The following TTC16 variants were observed in gnomAD, a reference collection of about 807,000 sequenced individuals.
TTC16 encodes the protein tetratricopeptide repeat protein 16.
TTC16 carries 66 observed loss-of-function variants against 80.4 expected under a neutral mutation model. The ratio of observed to expected loss-of-function variants is 0.82; its 90% CI spans 0.67 to 1.01. TTC16 has a LOEUF of 1.01. Ranked by LOEUF, TTC16 falls within the 50% of genes least tolerant of loss-of-function variation. TTC16 has a pLI of 0.00. For synonymous variants in TTC16, 438 were observed against 451.3 expected (o/e 0.97, Z 0.37); for missense variants, 1,070 against 1,103.2 (o/e 0.97, Z 0.43).
intron 10 of TTC16, among the ~76,000 whole-genome samples, chr9:127,726,703 G>A (rs537131483): frequency 2.7e-5 from 4 of 148,712 alleles, no homozygotes; most frequent in South Asian, 2.2e-4. Flanking sequence ...CATGAGAATC[G>A]CTTCGACCCG....
intron 13 of TTC16, 108 bp from the exon 14 acceptor site, chr9:127,730,528 G>A (rs556773262): frequency 3.2e-4 from 473 of 1,486,534 alleles, no homozygotes; most frequent in Non-Finnish European, 3.8e-4. Context: ...TTGGTGATGC[G>A]AAGCCTCTGG....
Position 127,720,128 on chromosome 9 carries a change from C to T in TTC16, c.477C>T (p.Phe159=). 6.2e-7 allele frequency: 1 copy of T among 1,613,964 alleles called. No individual in the cohort carries two copies. The highest frequency in any genetic ancestry group is 8.5e-7 in the Non-Finnish European group (1 of 1,180,012). ...QCAFLDALNV[F]SHAAELQPEK... is the part of the protein sequence containing the mutation. Reference sequence around the variant, plus strand: ...CCTTCCTGGATGCCCTGAATGTCTTCTCACATGCTGCTGAGCTCCAGCCTG... The same window carrying T: ...CCTTCCTGGATGCCCTGAATGTCTTTTCACATGCTGCTGAGCTCCAGCCTG... Residue 159 remains phenylalanine, a synonymous_variant, in exon 5 of 14, where the codon TTC becomes TTT. Transcript: ENST00000373289.
Position 127,731,234 on chromosome 9 carries a change from A to G in TTC16, c.2451A>G (p.Lys817=), listed in dbSNP as rs482095. The change falls in exon 14 of 14, where the codon AAA becomes AAG. Residue 817 remains lysine, a synonymous_variant. Transcript: ENST00000373289. ...ATGACTCAAACTGGAGCCTCAGCAA[A>G]ACTGAGTATGCCCAAGGCCAGGGCC... ...AFYDSNWSLS[K]TEYAQGQGQR... is the part of the protein sequence containing the mutation. The G allele has an allele frequency of 0.59, 948,118 of 1,612,718 alleles. 282,602 individuals are homozygous for G. The highest frequency in any genetic ancestry group is 0.76 in the African/African-American group (56,834 of 74,988).
At chr9:127,726,808 A>C (rs1405966221) in intron 10 of TTC16, among the ~76,000 whole-genome samples, 162 bp from the exon 11 acceptor site, 2,053 of 24,282 alleles carry the variant, frequency 0.085, 68 homozygotes, top group African/African-American at 0.36. Flanking sequence ...AAAAAAAAAA[A>C]AAAAAAAAAA....
Position 127,724,382 on chromosome 9 carries a change from C to T in TTC16, c.1117+18C>T. 6.2e-7 allele frequency: 1 copy of T among 1,608,710 alleles called. No individual in the cohort carries two copies. Among genetic ancestry groups the T allele is most frequent in the Non-Finnish European group, 8.5e-7 (1 of 1,177,328 alleles). On this transcript the variant is annotated intron_variant, in intron 8 of 13. Transcript: ENST00000373289. ...CCGAGGCGGTGCGCAGCGACCAGGGCACTGGGGAGGGGGGGTGCGGGGGAG... is the reference window on the plus strand; with the variant it reads ...CCGAGGCGGTGCGCAGCGACCAGGGTACTGGGGAGGGGGGGTGCGGGGGAG...
rs768507188 is a variant in TTC16 at position 127,716,978 on chromosome 9, G to A, written c.153G>A (p.Lys51=). Reference sequence around the variant, plus strand: ...AAAGCATCTGTGATGTAAAACCAAAGGTCACAGGGTTAACAGTGCCCCTCA... The same window carrying A: ...AAAGCATCTGTGATGTAAAACCAAAAGTCACAGGGTTAACAGTGCCCCTCA... ...VFQSICDVKP[K]VTGLTVPLKV... is the part of the protein sequence containing the mutation. Residue 51 remains lysine, a synonymous_variant, in exon 2 of 14, where the codon AAG becomes AAA. Coordinates refer to ENST00000373289, the MANE Select transcript of TTC16 (RefSeq NM_144965.3). 11 of 1,614,002 alleles carry A rather than the reference G, an allele frequency of 6.8e-6. No homozygotes were observed. Among genetic ancestry groups the A allele is most frequent in the Non-Finnish European group, 8.5e-6 (10 of 1,179,978 alleles).
In TTC16 at chr9:127,718,955, G is replaced by A. The variant is rs1245241700; in HGVS notation, c.427-1123G>A. On this transcript the variant is annotated intron_variant, in intron 4 of 13. Transcript: ENST00000373289. The surrounding 1 kb of genome is among the most constrained non-coding windows in gnomAD (Gnocchi z 4.6). ...TGGCCGGGCACGGTGGCTCACGCCTGTAATCCCAGCACTTTGGGAGGCCGA... is the reference window on the plus strand; with the variant it reads ...TGGCCGGGCACGGTGGCTCACGCCTATAATCCCAGCACTTTGGGAGGCCGA... 2.7e-5 allele frequency among the ~76,000 whole-genome samples: 4 copies of A among 150,084 alleles called. No homozygotes were observed. Among genetic ancestry groups the A allele is most frequent in the African/African-American group, 7.3e-5 (3 of 41,010 alleles).
At chr9:127,724,709 G>T in intron 8 of TTC16, 47 bp from the exon 9 acceptor site, 1 of 1,585,480 alleles carries the variant, frequency 6.3e-7, no homozygotes, top group East Asian at 2.3e-5. Flanking sequence ...TGGGGCTCCC[G>T]GGCACTGGGA....
rs775847824 is a variant in TTC16, at chr9:127,723,272, C to T, written c.811C>T (p.Leu271=). The T allele has an allele frequency of 1.2e-6, 2 of 1,612,876 alleles. No individual in the cohort carries two copies. Among genetic ancestry groups the T allele is most frequent in the African/African-American group, 1.3e-5 (1 of 74,952 alleles). Residue 271 remains leucine (L), a synonymous_variant, in exon 7 of 14, where the codon CTG becomes TTG. Transcript: ENST00000373289. ...TGTGCAGGGCAAGCTGCAGCACGCA[C>T]TGCAGCGGATCAACCGTGCCATCGA... The part of the protein sequence containing the change: ...LAVQGKLQHA[L]QRINRAIENN...
At position 127,718,692 on chromosome 9, in the gene TTC16, A is replaced by G. The variant is rs191000856; in HGVS notation, c.426+920A>G. Among the ~76,000 whole-genome samples the G allele has an allele frequency of 8.6e-5, 13 of 151,950 alleles. No individual in the cohort carries two copies. In the East Asian group the frequency reaches 2.4e-3, roughly 27 times the overall value. Reference sequence around the variant, plus strand: ...TCACAACCTCCACCTCCCGGGTTCAAATGATTCTTGTGCCTCAGCCTCCCA... The same window carrying G: ...TCACAACCTCCACCTCCCGGGTTCAGATGATTCTTGTGCCTCAGCCTCCCA... On this transcript the variant is annotated intron_variant, in intron 4 of 13. Coordinates refer to ENST00000373289, the MANE Select transcript of TTC16 (RefSeq NM_144965.3). The surrounding 1 kb of genome is among the most constrained non-coding windows in gnomAD (Gnocchi z 4.6).
At position 127,731,191 on chromosome 9, in the gene TTC16, C is replaced by T. The variant is rs752582070; in HGVS notation, c.2408C>T (p.Thr803Ile). ...AGCAGGGGACTGCTCCGAAGTTCCA[C>T]CAAGACTGAGGCTTTCTATGACTCA... ...GRSRGLLRSS[T>I]KTEAFYDSNW... The change falls in exon 14 of 14, where the codon ACC becomes ATC. Residue 803 changes from threonine (T) to isoleucine (I), a missense_variant. Coordinates refer to ENST00000373289, the MANE Select transcript of TTC16 (RefSeq NM_144965.3). 3 of 1,612,758 alleles carry T rather than the reference C, an allele frequency of 1.9e-6. No homozygotes were observed. Among genetic ancestry groups the T allele is most frequent in the South Asian group, 1.1e-5 (1 of 91,070 alleles).
chr9:127,720,117 C>G lies in TTC16; in HGVS notation c.466C>G (p.Leu156Val). 1 of 1,613,918 alleles carries G rather than the reference C, an allele frequency of 6.2e-7. No homozygotes were observed. Among genetic ancestry groups the G allele is most frequent in the Non-Finnish European group, 8.5e-7 (1 of 1,180,016 alleles). Residue 156 changes from leucine (L) to valine (V), a missense_variant, in exon 5 of 14, where the codon CTG becomes GTG. Coordinates refer to ENST00000373289, the MANE Select transcript of TTC16 (RefSeq NM_144965.3). The stretch of plus-strand genomic sequence containing the variant: ...TGAGCAGTGTGCCTTCCTGGATGCC[C>G]TGAATGTCTTCTCACATGCTGCTGA... Reference protein sequence around the residue: ...LFEQCAFLDALNVFSHAAELQ... With the variant: ...LFEQCAFLDAVNVFSHAAELQ...
intron 1 of TTC16, 88 bp from the exon 2 acceptor site, chr9:127,716,756 C>A: frequency 6.7e-7 from 1 of 1,489,716 alleles, no homozygotes; most frequent in Non-Finnish European, 9.0e-7. Flanking sequence ...TTCCGCCTCT[C>A]CTCCCTCCCT....
chr9:127,717,227 C>A, intron 2 of TTC16, 107 bp from the exon 3 acceptor site: 1 of 1,245,916 alleles, frequency 8.0e-7, no homozygotes, highest in Non-Finnish European at 1.1e-6. Context: ...ACTCCTCCTG[C>A]CTCTCCACCC....
chr9:127,730,789 C>A lies in TTC16; in HGVS notation c.2006C>A (p.Pro669His), dbSNP rs1433206539. The change falls in exon 14 of 14, where the codon CCC (proline) becomes CAC (histidine). Residue 669 changes from proline to histidine, a missense_variant. Physicochemically the swap from Pro to His is moderately conservative, Grantham distance 77. Coordinates refer to ENST00000373289, the MANE Select transcript of TTC16 (RefSeq NM_144965.3). The part of the protein sequence containing the change: ...GNNREALSHG[P>H]RKIKATQGQR... ...AACAGGGAGGCACTAAGCCATGGTC[C>A]CAGAAAAATCAAGGCCACCCAGGGC... 40 of 1,613,678 alleles carry A rather than the reference C, an allele frequency of 2.5e-5. No homozygotes were observed. Among genetic ancestry groups the A allele is most frequent in the Non-Finnish European group, 3.3e-5 (39 of 1,180,042 alleles).
intron 2 of TTC16, 29 bp downstream of exon 2, chr9:127,717,045 A>G: frequency 6.2e-7 from 1 of 1,606,712 alleles, no homozygotes; most frequent in Non-Finnish European, 8.5e-7. Flanking sequence ...TTGGGGTCCC[A>G]GGTTCCTGCC....
At chr9:127,724,636 T>C (rs2256139) in intron 8 of TTC16, 120 bp from the exon 9 acceptor site, 794,668 of 1,358,128 alleles carry the variant, frequency 0.59, 235,960 homozygotes, top group African/African-American at 0.75. Flanking sequence ...GGACGGAGAC[T>C]GCGGCGGGGG....
rs752861938 is a variant in TTC16, at chr9:127,724,883, C to A, written c.1245C>A (p.Cys415Ter). 8.4e-6 allele frequency: 13 copies of A among 1,549,892 alleles called. No homozygotes were observed. The highest frequency in any genetic ancestry group is 2.4e-5 in the East Asian group (1 of 42,424). ...TGCTGCAGGAGAAGATGGGCTTCTGCGAGCAGAGGCGCAAGTGCGTGGGCT... is the reference window on the plus strand; with the variant it reads ...TGCTGCAGGAGAAGATGGGCTTCTGAGAGCAGAGGCGCAAGTGCGTGGGCT... ...MGLLQEKMGFCEQRRKQFQKA... is the reference protein window; with the variant it reads ...MGLLQEKMGF The change falls in exon 9 of 14, where the codon TGC (cysteine) becomes TGA (stop). Residue 415 changes from cysteine (C) to a stop codon, truncating the protein, a stop_gained. Coordinates refer to ENST00000373289, the MANE Select transcript of TTC16 (RefSeq NM_144965.3). LOFTEE classifies it high-confidence loss of function.
chr9:127,730,851 A>C lies in TTC16; in HGVS notation c.2068A>C (p.Ser690Arg). The change falls in exon 14 of 14, where the codon AGC becomes CGC. Residue 690 changes from serine (S) to arginine (R), a missense_variant. Ser to Arg is a moderately radical substitution (Grantham distance 110, BLOSUM62 -1). Coordinates refer to ENST00000373289, the MANE Select transcript of TTC16 (RefSeq NM_144965.3). ...QSLSKTEPTQ[S>R]QRRNSSKTKA... ...CCTTAGCAAGACTGAGCCCACCCAG[A>C]GCCAGAGGCGGAACTCCAGCAAGAC... is the stretch of plus-strand genomic sequence containing the variant. 1.9e-6 allele frequency: 3 copies of C among 1,612,602 alleles called. No individual in the cohort carries two copies. The highest frequency in any genetic ancestry group is 2.5e-6 in the Non-Finnish European group (3 of 1,179,720).
Sources: allele counts gnomAD v4.1 joint callset (sites outside exome capture counted in the v4.1 genomes callset), GRCh38; gene constraint gnomAD v4.1.1; non-coding constraint Gnocchi (gnomAD v3.1); transcripts MANE v1.5; gene names NCBI Gene and HGNC (gene_info 2026-07-23, HGNC 2026-07-21).